ADAMTSL3: variants seen among roughly 807,000 people sequenced by gnomAD.
ADAMTSL3 encodes the protein ADAMTS like 3, also known as ADAMTS-like protein 3.
ADAMTSL3 carries 128 observed loss-of-function variants against 201.7 expected under a neutral mutation model. The observed-to-expected ratio is 0.63, with a 90% CI of 0.55 to 0.73. ADAMTSL3 has a LOEUF of 0.73. Ranked by LOEUF, ADAMTSL3 falls within the 30% of genes least tolerant of loss-of-function variation. The probability of loss-of-function intolerance (pLI) is 0.00; values close to 1 mark genes in which losing one functional copy is unlikely to be tolerated. For missense variants in ADAMTSL3, 1,990 were observed against 2,119.6 expected, an observed-to-expected ratio of 0.94 and a Z score of 1.20; for synonymous variants, 738 against 748.4, an observed-to-expected ratio of 0.99 and a Z score of 0.23.
chr15:83,974,927 G>A (rs1196004589), intron 20 of ADAMTSL3, among the ~76,000 whole-genome samples: 1 of 151,340 alleles, frequency 6.6e-6, no homozygotes, highest in Non-Finnish European at 1.5e-5. Context: ...CCCCTTCCCA[G>A]GGCTATCTCA....
intron 4 of ADAMTSL3, among the ~76,000 whole-genome samples, chr15:83,778,367 A>G (rs2063115187): frequency 6.6e-6 from 1 of 152,226 alleles, no homozygotes; most frequent in Non-Finnish European, 1.5e-5. Context: ...TGTTAAAGAC[A>G]GAGAGAAAGG....
intron 4 of ADAMTSL3, among the ~76,000 whole-genome samples, chr15:83,787,234 G>C (rs184366918): frequency 1.1e-3 from 160 of 152,242 alleles, no homozygotes; most frequent in African/African-American, 3.8e-3. Context: ...TTATTCCGCT[G>C]TATTGTTTTA....
chr15:83,719,571 T>G (rs2062068856), intron 3 of ADAMTSL3, among the ~76,000 whole-genome samples: 1 of 152,220 alleles, frequency 6.6e-6, no homozygotes, highest in Non-Finnish European at 1.5e-5. Context: ...TGAATACACA[T>G]AAAAATATTT....
chr15:83,897,313 G>A (rs1458927117), intron 13 of ADAMTSL3, among the ~76,000 whole-genome samples: 2 of 152,248 alleles, frequency 1.3e-5, no homozygotes, highest in Non-Finnish European at 2.9e-5. Flanking sequence ...AGTTATAGAT[G>A]TATGGGGATA....
At chr15:83,880,085 G>C (rs2065242951) in intron 9 of ADAMTSL3, among the ~76,000 whole-genome samples, 1 of 151,856 alleles carries the variant, frequency 6.6e-6, no homozygotes, top group Non-Finnish European at 1.5e-5. Flanking sequence ...TTTGTTTTGG[G>C]TTTTCATCAA....
chr15:83,662,830 G>A (rs1209738534), intron 2 of ADAMTSL3, among the ~76,000 whole-genome samples: 1 of 152,114 alleles, frequency 6.6e-6, no homozygotes, highest in Non-Finnish European at 1.5e-5. Flanking sequence ...ACAAGGAAAG[G>A]GGAAGGGGAT....
At chr15:84,015,420 C>A (rs534288420) in intron 24 of ADAMTSL3, among the ~76,000 whole-genome samples, 1 of 152,244 alleles carries the variant, frequency 6.6e-6, no homozygotes, top group Non-Finnish European at 1.5e-5. Context: ...TAGGGGGTGC[C>A]AATGCAGGGA....
At chr15:83,741,347 A>G (rs913892403) in intron 3 of ADAMTSL3, among the ~76,000 whole-genome samples, 6 of 152,048 alleles carry the variant, frequency 3.9e-5, no homozygotes, top group Non-Finnish European at 8.8e-5. Context: ...TTTAAACTTC[A>G]GTCATTAACA....
At chr15:83,787,909 G>A (rs1039877147) in intron 4 of ADAMTSL3, among the ~76,000 whole-genome samples, 25 of 151,454 alleles carry the variant, frequency 1.7e-4, no homozygotes, top group Non-Finnish European at 2.2e-4. Flanking sequence ...CTTTGACTGG[G>A]CCAATATGCA....
At chr15:83,726,549 T>A (rs1596096945) in intron 3 of ADAMTSL3, among the ~76,000 whole-genome samples, 1 of 152,138 alleles carries the variant, frequency 6.6e-6, no homozygotes, top group Non-Finnish European at 1.5e-5. Flanking sequence ...ATGGCTTTCA[T>A]TATGTTGATG....
intron 3 of ADAMTSL3, among the ~76,000 whole-genome samples, chr15:83,719,016 C>T (rs943504109): frequency 6.6e-6 from 1 of 152,150 alleles, no homozygotes; most frequent in Non-Finnish European, 1.5e-5. Context: ...CATTTTGCAA[C>T]TCTAATGAAC....
rs571636523 is a variant in ADAMTSL3 at position 83,732,647 on chromosome 15, G to A, written c.189+28139G>A. Among the ~76,000 whole-genome samples, 102 of 152,080 alleles carry A rather than the reference G, an allele frequency of 6.7e-4. 1 individual carries two copies. Among genetic ancestry groups the A allele is most frequent in the Non-Finnish European group, 1.1e-3 (72 of 67,948 alleles). On this transcript the variant is annotated intron_variant, in intron 3 of 29. Coordinates refer to ENST00000286744, the MANE Select transcript of ADAMTSL3 (RefSeq NM_207517.3). ...AACTATATAAACAATATTCAGCTCCGTCTTAACTAGTTGATTACATTCCAT... is the reference window on the plus strand; with the variant it reads ...AACTATATAAACAATATTCAGCTCCATCTTAACTAGTTGATTACATTCCAT...
chr15:83,825,401 AG>A (rs757264860), intron 6 of ADAMTSL3, among the ~76,000 whole-genome samples: 72 of 152,272 alleles, frequency 4.7e-4, no homozygotes, highest in Non-Finnish European at 6.2e-4. Flanking sequence ...CGTTAAGCCT[AG>A]GAGTTCGAGA....
intron 3 of ADAMTSL3, among the ~76,000 whole-genome samples, chr15:83,744,251 T>C (rs2062507460): frequency 6.6e-6 from 1 of 152,214 alleles, no homozygotes; most frequent in South Asian, 2.1e-4. Context: ...AGGGCTTTGC[T>C]ATATAGAGGA....
rs1567165523 is a variant in ADAMTSL3, at chr15:83,819,803, G to A, written c.364-8G>A. On this transcript the variant is annotated splice_region_variant and splice_polypyrimidine_tract_variant and intron_variant, in intron 5 of 29. Coordinates refer to ENST00000286744, the MANE Select transcript of ADAMTSL3 (RefSeq NM_207517.3). ...GATGTGCATGTGGCCTTTTCCCTCTGCCCCCAGGACTGCCCTCCAGATGCA... is the reference window on the plus strand; with the variant it reads ...GATGTGCATGTGGCCTTTTCCCTCTACCCCCAGGACTGCCCTCCAGATGCA... 3 of 1,610,786 alleles carry A rather than the reference G, an allele frequency of 1.9e-6. No individual in the cohort carries two copies. Among genetic ancestry groups the A allele is most frequent in the Admixed American group, 3.3e-5 (2 of 59,982 alleles).
At chr15:84,019,636 G>A (rs1481094325) in intron 25 of ADAMTSL3, among the ~76,000 whole-genome samples, 1 of 152,112 alleles carries the variant, frequency 6.6e-6, no homozygotes, top group African/African-American at 2.4e-5. Flanking sequence ...GCTCACACCT[G>A]TAATCCCAGC....
intron 4 of ADAMTSL3, among the ~76,000 whole-genome samples, chr15:83,802,540 T>C (rs945604533): frequency 2.0e-5 from 3 of 152,198 alleles, no homozygotes; most frequent in Admixed American, 6.5e-5. Flanking sequence ...AAACTATAGA[T>C]ACCTGCAACC....
chr15:83,955,527 C>A (rs1320543410), intron 19 of ADAMTSL3, among the ~76,000 whole-genome samples: 1 of 152,076 alleles, frequency 6.6e-6, no homozygotes, highest in Non-Finnish European at 1.5e-5. Context: ...TGAGCTGTTA[C>A]CCGAAGCCAG....
At position 83,819,863 on chromosome 15, in the gene ADAMTSL3, A is replaced by G; in HGVS notation, c.416A>G (p.Asn139Ser). Residue 139 changes from asparagine (N) to serine (S), a missense_variant, in exon 6 of 30, where the codon AAT (asparagine) becomes AGT (serine). Transcript: ENST00000286744. ...AGAGCCCAGCAGTGCTCAGCCTACAATGATGTCCAGTATCAGGGGCATTAC... is the reference window on the plus strand; with the variant it reads ...AGAGCCCAGCAGTGCTCAGCCTACAGTGATGTCCAGTATCAGGGGCATTAC... ...DFRAQQCSAY[N>S]DVQYQGHYYE... is the part of the protein sequence containing the mutation. 1.9e-6 allele frequency: 3 copies of G among 1,614,084 alleles called. No individual in the cohort carries two copies. The highest frequency in any genetic ancestry group is 1.1e-5 in the South Asian group (1 of 91,078).
Sources: allele counts gnomAD v4.1 joint callset (sites outside exome capture counted in the v4.1 genomes callset), GRCh38; gene constraint gnomAD v4.1.1; transcripts MANE v1.5; gene names NCBI Gene and HGNC (gene_info 2026-07-23, HGNC 2026-07-21).